The following TNK2 variants were observed in gnomAD, a reference collection of about 807,000 sequenced individuals.
TNK2 encodes tyrosine kinase non receptor 2.
In TNK2, 83 loss-of-function variants were observed where a neutral mutation model predicts 101.8. That is an observed-to-expected ratio of 0.82 (90% confidence interval 0.68 to 0.98). The LOEUF is 0.98. Among genes scored for constraint, TNK2 ranks in the 50% least tolerant of loss-of-function variants. TNK2 has a pLI of 0.00. For missense variants in TNK2, 1,665 were observed against 1,483.2 expected, an observed-to-expected ratio of 1.12 and a Z score of -2.01; for synonymous variants, 804 against 633.0, an observed-to-expected ratio of 1.27 and a Z score of -4.06.
Position 195,895,397 on chromosome 3 carries a change from G to C in TNK2, c.-18-6791C>G, listed in dbSNP as rs747891655. 529 of 1,537,518 alleles carry C rather than the reference G, an allele frequency of 3.4e-4. No individual in the cohort carries two copies. Among genetic ancestry groups the C allele is most frequent in the Middle Eastern group, 1.6e-3 (9 of 5,780 alleles). On this transcript the variant is annotated intron_variant, in intron 1 of 15. Transcript: ENST00000672887. Reference sequence around the variant, plus strand: ...GGCAGCGTCACTGCCCTGCGTCCTGGGGGGCCGGGCCTCGAGCATCCTCCA... The same window carrying C: ...GGCAGCGTCACTGCCCTGCGTCCTGCGGGGCCGGGCCTCGAGCATCCTCCA...
rs755481543 is a variant in TNK2 at position 195,872,277 on chromosome 3, C to A, written c.1450G>T (p.Glu484Ter). ...HCWGFPDRIDELYLGNPMDPP... is the reference protein window; with the variant it reads ...HCWGFPDRID ...CATCCATCCCCGCCCAGTACTCACT[C>A]GTCAATCCTGTCCGGGAAGCCCCAG... The change falls in exon 10 of 16, where the codon GAA becomes TAA. Residue 484 changes from glutamate to a stop codon, truncating the protein, a stop_gained and splice_region_variant. Coordinates refer to ENST00000672887, the MANE Select transcript of TNK2 (RefSeq NM_001382273.1). LOFTEE classifies it high-confidence loss of function. 3.1e-6 allele frequency: 5 copies of A among 1,613,174 alleles called. No homozygotes were observed. The highest frequency in any genetic ancestry group is 4.2e-6 in the Non-Finnish European group (5 of 1,179,896).
chr3:195,881,635 A>AC (rs10707803), intron 6 of TNK2, among the ~76,000 whole-genome samples: 170 of 29,552 alleles, frequency 5.8e-3, no homozygotes, highest in Non-Finnish European at 7.6e-3. Flanking sequence ...TCCTTGTAAC[A>AC]CCCCCCCCCC....
At chr3:195,872,903 T>C in intron 9 of TNK2, 1 of 175,532 alleles carries the variant, frequency 5.7e-6, no homozygotes. Flanking sequence ...TTCTGGCCAC[T>C]TGATTTCACT....
chr3:195,864,294 G>T, intron 15 of TNK2, 107 bp from the exon 16 acceptor site: 1 of 1,300,738 alleles, frequency 7.7e-7, no homozygotes, highest in African/African-American at 1.5e-5. Context: ...GAAGCTGGCA[G>T]TCCCCGGCAA....
At chr3:195,871,133 G>A (rs188619868) in intron 10 of TNK2, among the ~76,000 whole-genome samples, 3 of 151,954 alleles carry the variant, frequency 2.0e-5, no homozygotes, top group South Asian at 2.1e-4. Context: ...GGCTGCAGAG[G>A]CCAGGGGCCT....
chr3:195,884,785 T>C, intron 4 of TNK2, 27 bp downstream of exon 4: 1 of 1,583,596 alleles, frequency 6.3e-7, no homozygotes. Context: ...ATGCCTCTGC[T>C]GCGCTGGCAG....
chr3:195,897,098 C>CT lies in TNK2; in HGVS notation c.-18-8493dup, dbSNP rs1165724048. On this transcript the variant is annotated intron_variant, in intron 1 of 15. Transcript: ENST00000672887. ...ATGAGGAGAGGGGGGCTTACAGCTC[C>CT]TCCCCCAGCCAGAGGATTATCTTGC... Among the ~76,000 whole-genome samples the CT allele has an allele frequency of 5.9e-5, 9 of 152,348 alleles. No individual in the cohort carries two copies. The East Asian group carries it at 1.2e-3, about 20-fold the overall frequency.
At chr3:195,902,630 C>CAAAAAAAAAAAAAAAAAAAAA (rs371118941) in intron 1 of TNK2, among the ~76,000 whole-genome samples, 1 of 89,856 alleles carries the variant, frequency 1.1e-5, no homozygotes, top group Non-Finnish European at 2.4e-5. Flanking sequence ...AAAAAAAAAA[C>CAAAAAAAAAAAAAAAAAAAAA]AAAAAAAAAC....
Position 195,882,453 on chromosome 3 carries a change from C to T in TNK2, c.610-125G>A. 1.9e-6 allele frequency: 3 copies of T among 1,552,508 alleles called. No homozygotes were observed. The highest frequency in any genetic ancestry group is 1.7e-6 in the Non-Finnish European group (2 of 1,149,736). ...AGCCAGGCTGCACGCACCTTCCTGG[C>T]CTGCTGTCTGGGGACCTCTAGGAGT... On this transcript the variant is annotated intron_variant, in intron 5 of 15. Coordinates refer to ENST00000672887, the MANE Select transcript of TNK2 (RefSeq NM_001382273.1). The surrounding 1 kb of genome is among the most constrained non-coding windows in gnomAD (Gnocchi z 4.2).
intron 1 of TNK2, among the ~76,000 whole-genome samples, chr3:195,904,687 TACC>T (rs1049760207): frequency 1.1e-3 from 161 of 152,314 alleles, no homozygotes; most frequent in African/African-American, 3.5e-3. Context: ...ATGTATATTT[TACC>T]ACAATTAAAA....
Position 195,868,634 on chromosome 3 carries a change from G to A in TNK2, c.1664C>T (p.Pro555Leu), listed in dbSNP as rs1387615483. Reference sequence around the variant, plus strand: ...CAGCCACAGCCCTCGGGGCAGGCCTGGCTTCCGCAGGCCCAGCCTCTTGAA... The same window carrying A: ...CAGCCACAGCCCTCGGGGCAGGCCTAGCTTCCGCAGGCCCAGCCTCTTGAA... ...SDFKRLGLRK[P>L]GLPRGLWLAK... The change falls in exon 13 of 16, where the codon CCA becomes CTA. Residue 555 changes from proline (P) to leucine (L), a missense_variant. This residue lies in a region of TNK2 where 1,136 missense variants were observed against 894.9 expected (regional missense o/e 1.27). Transcript: ENST00000672887. The A allele has an allele frequency of 1.9e-6, 3 of 1,593,300 alleles. No individual in the cohort carries two copies. Among genetic ancestry groups the A allele is most frequent in the African/African-American group, 2.7e-5 (2 of 74,454 alleles).
At position 195,867,309 on chromosome 3, in the gene TNK2, C is replaced by A. The variant is rs1437538372; in HGVS notation, c.2938-45G>T. ...TCAGCACCACTAGGGCCCACTGCTCCAGGCCCCTTGGGCCCTGCCCCGCTT... is the reference window on the plus strand; with the variant it reads ...TCAGCACCACTAGGGCCCACTGCTCAAGGCCCCTTGGGCCCTGCCCCGCTT... On this transcript the variant is annotated intron_variant, in intron 13 of 15. Coordinates refer to ENST00000672887, the MANE Select transcript of TNK2 (RefSeq NM_001382273.1). 3.1e-6 allele frequency: 5 copies of A among 1,610,826 alleles called. No homozygotes were observed. In the Admixed American group the frequency reaches 8.4e-5, roughly 27 times the overall value.
intron 6 of TNK2, 59 bp downstream of exon 6, chr3:195,881,992 A>T: frequency 6.4e-7 from 1 of 1,559,848 alleles, no homozygotes; most frequent in African/African-American, 1.4e-5. Context: ...AGAAAGCCCC[A>T]GAAGCTTTGA....
rs1192414943 is a variant in TNK2, at chr3:195,887,027, C to A, written c.184G>T (p.Ala62Ser). 6.2e-7 allele frequency: 1 copy of A among 1,614,118 alleles called. No individual in the cohort carries two copies. The highest frequency in any genetic ancestry group is 8.5e-7 in the Non-Finnish European group (1 of 1,180,040). The change falls in exon 3 of 16, where the codon GCT becomes TCT. Residue 62 changes from alanine to serine, a missense_variant. Physicochemically the swap from Ala to Ser is moderately conservative, Grantham distance 99. Around this residue, in one of 3 missense-constraint regions of TNK2, gnomAD observed 490 missense variants for 522.5 expected, o/e 0.94. Transcript: ENST00000672887. Reference sequence around the variant, plus strand: ...CACAAGGCCTTCCTCCTCTTCACAGCCTCCCACAGCCGCCGCTGGCCTGCA... The same window carrying A: ...CACAAGGCCTTCCTCCTCTTCACAGACTCCCACAGCCGCCGCTGGCCTGCA... Reference protein sequence around the residue: ...GRPGQRRLWEAVKRRKALCKR... With the variant: ...GRPGQRRLWESVKRRKALCKR...
At chr3:195,887,940 G>A (rs1291592502) in intron 2 of TNK2, among the ~76,000 whole-genome samples, 1 of 121,540 alleles carries the variant, frequency 8.2e-6, no homozygotes, top group Non-Finnish European at 1.7e-5. Context: ...GTGTGCGCAT[G>A]TGCGTGTGTG....
intron 1 of TNK2, among the ~76,000 whole-genome samples, chr3:195,890,937 G>A (rs561245001): frequency 6.6e-6 from 1 of 152,208 alleles, no homozygotes; most frequent in South Asian, 2.1e-4. Context: ...GAGGTCTCAA[G>A]ATCTGACTCC....
Position 195,888,736 on chromosome 3 carries a change from G to T in TNK2, c.-18-130C>A. On this transcript the variant is annotated intron_variant, in intron 1 of 15. Transcript: ENST00000672887. The surrounding 1 kb of genome is among the most constrained non-coding windows in gnomAD (Gnocchi z 5.3). ...GGGCTCACACCACCTTCTGACTCCC[G>T]AGGGAAGCTACCGAGAACCGCCTGG... 1.1e-6 allele frequency: 1 copy of T among 893,034 alleles called. No individual in the cohort carries two copies. The highest frequency in any genetic ancestry group is 1.6e-6 in the Non-Finnish European group (1 of 608,804). 55.3% of individuals were successfully genotyped at this position (893,034 alleles called of 1,614,324 possible).
chr3:195,866,652 G>A (rs144738391), intron 15 of TNK2, among the ~76,000 whole-genome samples: 21 of 152,378 alleles, frequency 1.4e-4, no homozygotes, highest in African/African-American at 5.0e-4. Context: ...CCTTCAACCA[G>A]AGAGGCTCCA....
intron 1 of TNK2, among the ~76,000 whole-genome samples, chr3:195,903,072 T>TC (rs2149866446): frequency 8.2e-6 from 1 of 122,530 alleles, no homozygotes; most frequent in African/African-American, 3.2e-5. Flanking sequence ...TTTTTTTTTT[T>TC]CTTTTGTGAC....
Sources: gnomAD v4.1 joint callset for allele counts (sites outside exome capture counted in the v4.1 genomes callset) on GRCh38, gnomAD v4.1.1 for gene constraint, gnomAD v4.1.1 regional missense constraint, Gnocchi (gnomAD v3.1) non-coding constraint, MANE v1.5 for transcripts, NCBI Gene and HGNC (gene_info 2026-07-23, HGNC 2026-07-21) for gene names.